The following DENND3 variants were observed in gnomAD, a reference collection of about 807,000 sequenced individuals.
DENND3 encodes the protein DENN domain-containing protein 3.
Under a neutral mutation model 135.1 loss-of-function variants are expected in DENND3, and 88 were observed. That is an observed-to-expected ratio of 0.65 (90% CI 0.55 to 0.78). DENND3 has a LOEUF of 0.78. Among genes scored for constraint, DENND3 ranks in the 30% least tolerant of loss-of-function variants. The probability of loss-of-function intolerance (pLI) is 0.00; values close to 1 mark genes in which losing one functional copy is unlikely to be tolerated. For missense variants in DENND3, 1,392 were observed against 1,688.4 expected, an observed-to-expected ratio of 0.82 and a Z score of 3.08; for synonymous variants, 693 against 712.3, an observed-to-expected ratio of 0.97 and a Z score of 0.43.
intron 18 of DENND3, among the ~76,000 whole-genome samples, chr8:141,186,027 C>T (rs1041507004): frequency 1.1e-4 from 16 of 151,380 alleles, no homozygotes; most frequent in Admixed American, 1.1e-3. Context: ...ACTGCAGCCT[C>T]GACCTTCTGG....
In DENND3 at chr8:141,137,944, C is replaced by G; in HGVS notation, c.386-78C>G. 1 of 1,450,948 alleles carries G rather than the reference C, an allele frequency of 6.9e-7. No individual in the cohort carries two copies. The highest frequency in any genetic ancestry group is 9.4e-7 in the Non-Finnish European group (1 of 1,060,828). The allele number at this position is 1,450,948 out of a possible 1,614,324, so 89.9% of individuals were successfully genotyped here. ...TAACTGTGGAGGTGTGTCCTAAACA[C>G]TGTGAAGAAATCAGCTCGTGGGTAA... On this transcript the variant is annotated intron_variant, in intron 2 of 22. Coordinates refer to ENST00000519811, the MANE Select transcript of DENND3 (RefSeq NM_001352890.3). The surrounding 1 kb of genome is among the most constrained non-coding windows in gnomAD (Gnocchi z 4.1).
chr8:141,145,819 A>G (rs1569555437), intron 5 of DENND3, among the ~76,000 whole-genome samples: 1 of 29,382 alleles, frequency 3.4e-5, no homozygotes, highest in African/African-American at 2.7e-4. Context: ...ATATATATAT[A>G]TATATATATA....
intron 7 of DENND3, among the ~76,000 whole-genome samples, chr8:141,155,558 C>T (rs901470375): frequency 1.1e-4 from 17 of 151,886 alleles, no homozygotes; most frequent in African/African-American, 4.1e-4. Flanking sequence ...CATGTGCTAC[C>T]ACACCTGGCT....
intron 9 of DENND3, among the ~76,000 whole-genome samples, chr8:141,162,618 A>G (rs956958142): frequency 6.6e-6 from 1 of 152,164 alleles, no homozygotes. Flanking sequence ...AGTTTGTAAC[A>G]TGATCTGAGG....
intron 18 of DENND3, among the ~76,000 whole-genome samples, chr8:141,186,020 G>C (rs1823847772): frequency 6.7e-6 from 1 of 149,018 alleles, no homozygotes; most frequent in African/African-American, 2.5e-5. Flanking sequence ...ATGGCTCACT[G>C]CAGCCTCGAC....
intron 5 of DENND3, chr8:141,150,391 A>C (rs1295464995): frequency 8.8e-7 from 1 of 1,130,186 alleles, no homozygotes. Context: ...TTTGAAATGC[A>C]CATGTCTTGA....
intron 1 of DENND3, among the ~76,000 whole-genome samples, chr8:141,134,869 C>T (rs1254343574): frequency 4.0e-5 from 6 of 151,516 alleles, no homozygotes; most frequent in East Asian, 2.0e-4. Context: ...CTTGCTCTGT[C>T]GCGCAGGCTG....
chr8:141,158,092 T>G (rs988590441), intron 8 of DENND3: 14 of 1,245,444 alleles, frequency 1.1e-5, no homozygotes, highest in African/African-American at 1.6e-5. Context: ...TCTTGCATCT[T>G]AAAAAATTCC....
At chr8:141,159,704 G>C (rs1819899457) in intron 8 of DENND3, among the ~76,000 whole-genome samples, 1 of 152,218 alleles carries the variant, frequency 6.6e-6, no homozygotes, top group Admixed American at 6.5e-5. Flanking sequence ...ATATGCGTTG[G>C]TTCTGTTTAT....
At chr8:141,140,977 G>C (rs1817380399) in intron 3 of DENND3, among the ~76,000 whole-genome samples, 1 of 152,242 alleles carries the variant, frequency 6.6e-6, no homozygotes, top group Non-Finnish European at 1.5e-5. Context: ...CTCTGGGGCA[G>C]GAATGCATCT....
Position 141,175,158 on chromosome 8 carries a change from T to C in DENND3, c.2276-42T>C. 6.3e-7 allele frequency: 1 copy of C among 1,577,678 alleles called. No individual in the cohort carries two copies. The highest frequency in any genetic ancestry group is 2.2e-5 in the East Asian group (1 of 44,532). On this transcript the variant is annotated intron_variant, in intron 13 of 22. Transcript: ENST00000519811. The surrounding 1 kb of genome is among the most constrained non-coding windows in gnomAD (Gnocchi z 5.4). ...AGAAGCCCTTGGGGCTCCCGAGGTA[T>C]GTGGCTGTAAGATACCTCTCTTTTC...
chr8:141,163,381 A>C lies in DENND3; in HGVS notation c.1401A>C (p.Glu467Asp), dbSNP rs758557884. The C allele has an allele frequency of 5.6e-6, 9 of 1,613,576 alleles. No individual in the cohort carries two copies. The highest frequency in any genetic ancestry group is 1.7e-6 in the Non-Finnish European group (2 of 1,179,522). The change falls in exon 10 of 23, where the codon GAA becomes GAC. Residue 467 changes from glutamate to aspartate, a missense_variant. Coordinates refer to ENST00000519811, the MANE Select transcript of DENND3 (RefSeq NM_001352890.3). Reference protein sequence around the residue: ...LNYEHRVFNSEEFLKTRAPGD... With the variant: ...LNYEHRVFNSDEFLKTRAPGD... ...ATGAACACAGAGTCTTTAATAGTGA[A>C]GAATTTCTCAAAACCAGGGCTCCAG...
At chr8:141,143,365 G>A (rs307764) in intron 4 of DENND3, among the ~76,000 whole-genome samples, 8,788 of 152,188 alleles carry the variant, frequency 0.058, 852 homozygotes, top group African/African-American at 0.2. Context: ...TTGGTGTGCT[G>A]CACCCATTAA....
chr8:141,163,240 A>G, intron 9 of DENND3, 93 bp from the exon 10 acceptor site: 1 of 633,426 alleles, frequency 1.6e-6, no homozygotes, highest in Non-Finnish European at 2.7e-6. Context: ...CAAAGTTCGT[A>G]TCTCTTCTAA....
rs2154613287 is a variant in DENND3, at chr8:141,174,084, T to C, written c.2276-1116T>C. On this transcript the variant is annotated intron_variant, in intron 13 of 22. Transcript: ENST00000519811. This position sits in a 1 kb window ranked among gnomAD's most constrained non-coding sequence, Gnocchi z 4.6. ...CTGGGTGTTGAGGGATGGGTAGGAGTTTCCTGGTGTGAGCAGGCAGGATGA... is the reference window on the plus strand; with the variant it reads ...CTGGGTGTTGAGGGATGGGTAGGAGCTTCCTGGTGTGAGCAGGCAGGATGA... Among the ~76,000 whole-genome samples the C allele has an allele frequency of 6.6e-6, 1 of 152,100 alleles. No individual in the cohort carries two copies. Among genetic ancestry groups the C allele is most frequent in the African/African-American group, 2.4e-5 (1 of 41,482 alleles).
Position 141,141,052 on chromosome 8 carries a change from G to C in DENND3, c.502-151G>C. On this transcript the variant is annotated intron_variant, in intron 3 of 22. Transcript: ENST00000519811. This position sits in a 1 kb window ranked among gnomAD's most constrained non-coding sequence, Gnocchi z 5.3. ...ACCAAATAGGGACCCCGTAGACTTC[G>C]ACCGGAGGGCCGGTGCTGGCTTGGA... 1 of 1,224,356 alleles carries C rather than the reference G, an allele frequency of 8.2e-7. No individual in the cohort carries two copies. The highest frequency in any genetic ancestry group is 1.2e-6 in the Non-Finnish European group (1 of 865,016). The allele number at this position is 1,224,356 out of a possible 1,614,324, so 75.8% of individuals were successfully genotyped here.
rs929600756 is a variant in DENND3 at position 141,146,795 on chromosome 8, G to A, written c.735+2536G>A. Among the ~76,000 whole-genome samples, 12 of 152,086 alleles carry A rather than the reference G, an allele frequency of 7.9e-5. No individual in the cohort carries two copies. Among genetic ancestry groups the A allele is most frequent in the African/African-American group, 1.4e-4 (6 of 41,390 alleles). On this transcript the variant is annotated intron_variant, in intron 5 of 22. Transcript: ENST00000519811. The surrounding 1 kb of genome is among the most constrained non-coding windows in gnomAD (Gnocchi z 4.3). ...GAAGCCTTTGTAGGGCATGTTTATCGGCCGCGTGTTTTATGTGGATAGTTG... is the reference window on the plus strand; with the variant it reads ...GAAGCCTTTGTAGGGCATGTTTATCAGCCGCGTGTTTTATGTGGATAGTTG...
In DENND3 at chr8:141,175,024, C is replaced by T. The variant is rs1255473341; in HGVS notation, c.2276-176C>T. Among the ~76,000 whole-genome samples, 1 of 152,178 alleles carries T rather than the reference C, an allele frequency of 6.6e-6. No homozygotes were observed. Among genetic ancestry groups the T allele is most frequent in the African/African-American group, 2.4e-5 (1 of 41,438 alleles). ...CCCTTGACAGCTGGACACACCTGGGCTGCAGGGAAGGCCCTGGGAAACCTT... is the reference window on the plus strand; with the variant it reads ...CCCTTGACAGCTGGACACACCTGGGTTGCAGGGAAGGCCCTGGGAAACCTT... On this transcript the variant is annotated intron_variant, in intron 13 of 22. Coordinates refer to ENST00000519811, the MANE Select transcript of DENND3 (RefSeq NM_001352890.3). This position sits in a 1 kb window ranked among gnomAD's most constrained non-coding sequence, Gnocchi z 5.4.
intron 14 of DENND3, chr8:141,176,363 C>T (rs1319995465): frequency 1.8e-5 from 10 of 544,356 alleles, no homozygotes; most frequent in Admixed American, 6.9e-5. Context: ...GGACACTGGG[C>T]GAGCCCAGCT....
Sources: gnomAD v4.1 joint callset for allele counts (sites outside exome capture counted in the v4.1 genomes callset) on GRCh38, gnomAD v4.1.1 for gene constraint, Gnocchi (gnomAD v3.1) non-coding constraint, MANE v1.5 for transcripts, NCBI Gene and HGNC (gene_info 2026-07-23, HGNC 2026-07-21) for gene names.